The following ZC3H12B variants were observed in gnomAD, a reference collection of about 807,000 sequenced individuals.
The protein encoded by ZC3H12B is probable ribonuclease ZC3H12B.
A neutral mutation model predicts 43.9 loss-of-function variants in ZC3H12B; 7 were observed. That is an observed-to-expected ratio of 0.16 (90% CI 0.09 to 0.30). The LOEUF (loss-of-function observed/expected upper bound fraction) is 0.30, where lower values mean the gene tolerates loss of function less well. Ranked by LOEUF, ZC3H12B falls within the 10% of genes least tolerant of loss-of-function variation. The pLI is 1.00. For missense variants in ZC3H12B, 475 were observed against 670.2 expected, an observed-to-expected ratio of 0.71 and a Z score of 3.22; for synonymous variants, 222 against 241.7, an observed-to-expected ratio of 0.92 and a Z score of 0.76.
the ZC3H12B span, among the ~76,000 whole-genome samples, chrX:65,045,384 G>A: frequency 8.9e-6 from 1 of 112,120 alleles, no homozygotes; most frequent in African/African-American, 3.2e-5. Flanking sequence ...AAACGTTTAT[G>A]TAATATTCTT....
chrX:65,367,803 T>C (rs955962183), intron 1 of ZC3H12B, among the ~76,000 whole-genome samples: 1 of 111,494 alleles, frequency 9.0e-6, no homozygotes, highest in African/African-American at 3.3e-5. Context: ...TTTTTTGATA[T>C]CTAAATTACA....
At chrX:65,438,653 C>T (rs1196004122) in intron 3 of ZC3H12B, among the ~76,000 whole-genome samples, 1 of 113,089 alleles carries the variant, frequency 8.8e-6, no homozygotes, top group Non-Finnish European at 1.9e-5. Context: ...ATTAAATTAA[C>T]TAAAAGTATC....
the ZC3H12B span, among the ~76,000 whole-genome samples, chrX:65,037,002 TA>T: frequency 9.1e-6 from 1 of 109,874 alleles, no homozygotes; most frequent in Non-Finnish European, 1.9e-5. Flanking sequence ...TTTTTTTTTT[TA>T]AAGTGACTTT....
At chrX:65,117,087 G>A in the ZC3H12B span, among the ~76,000 whole-genome samples, 1 of 111,930 alleles carries the variant, frequency 8.9e-6, no homozygotes, top group East Asian at 2.8e-4. Flanking sequence ...GAATGGGATG[G>A]CTGGGTCAAA....
intron 3 of ZC3H12B, among the ~76,000 whole-genome samples, chrX:65,443,487 C>T (rs2067332722): frequency 8.9e-6 from 1 of 111,990 alleles, no homozygotes; most frequent in Non-Finnish European, 1.9e-5. Context: ...CTGAGAGCCC[C>T]AAACAGAGAT....
At chrX:65,328,423 G>T in the ZC3H12B span, 1 of 254,308 alleles carries the variant, frequency 3.9e-6, no homozygotes. Context: ...AGCTGTTTTT[G>T]CTGGTAATTA....
intron 3 of ZC3H12B, among the ~76,000 whole-genome samples, chrX:65,398,958 A>G (rs1244093707): frequency 8.9e-6 from 1 of 111,908 alleles, no homozygotes; most frequent in Admixed American, 9.5e-5. Flanking sequence ...GGTGTTAAGA[A>G]AACCAGATAT....
At chrX:65,194,049 T>C in the ZC3H12B span, among the ~76,000 whole-genome samples, 4 of 108,744 alleles carry the variant, frequency 3.7e-5, no homozygotes, top group African/African-American at 1.0e-4. Context: ...CAACCAGATA[T>C]CACGAGAGCA....
the ZC3H12B span, among the ~76,000 whole-genome samples, chrX:65,222,168 C>T: frequency 9.0e-6 from 1 of 111,485 alleles, no homozygotes; most frequent in African/African-American, 3.3e-5. Flanking sequence ...GATTAAAACC[C>T]TCAGCAGCAG....
At chrX:65,254,613 G>C in the ZC3H12B span, among the ~76,000 whole-genome samples, 1 of 112,463 alleles carries the variant, frequency 8.9e-6, no homozygotes, top group African/African-American at 3.2e-5. Flanking sequence ...TACAGAGAAA[G>C]AAGCAGCACA....
chrX:65,117,858 G>T, the ZC3H12B span, among the ~76,000 whole-genome samples: 3 of 111,718 alleles, frequency 2.7e-5, no homozygotes, highest in African/African-American at 6.5e-5. Flanking sequence ...GTTTGTCAAA[G>T]ATCAGATGGT....
chrX:65,322,253 A>G, the ZC3H12B span, among the ~76,000 whole-genome samples: 1 of 111,560 alleles, frequency 9.0e-6, no homozygotes, highest in Non-Finnish European at 1.9e-5. Context: ...GAACTCACCC[A>G]CCATCCCCCA....
chrX:65,374,876 C>G (rs1264978069), intron 2 of ZC3H12B, among the ~76,000 whole-genome samples: 3 of 110,932 alleles, frequency 2.7e-5, no homozygotes, highest in African/African-American at 9.9e-5. Flanking sequence ...AGAACTCACT[C>G]ACTATCATGA....
the ZC3H12B span, among the ~76,000 whole-genome samples, chrX:65,212,153 AT>A: frequency 5.8e-5 from 3 of 51,916 alleles, no homozygotes; most frequent in African/African-American, 2.4e-4. Flanking sequence ...TTAACATTAT[AT>A]TAGTATATAA....
the ZC3H12B span, among the ~76,000 whole-genome samples, chrX:65,325,338 A>T: frequency 9.0e-6 from 1 of 111,646 alleles, no homozygotes; most frequent in East Asian, 2.8e-4. Context: ...TCATGATCTT[A>T]TGTGGAAAAA....
At chrX:65,193,992 TGGC>T in the ZC3H12B span, among the ~76,000 whole-genome samples, 7 of 110,609 alleles carry the variant, frequency 6.3e-5, no homozygotes, top group Non-Finnish European at 1.1e-4. Context: ...ACACTTCATG[TGGC>T]TGGAGCAAGA....
At chrX:65,046,247 G>A in the ZC3H12B span, among the ~76,000 whole-genome samples, 1 of 111,948 alleles carries the variant, frequency 8.9e-6, no homozygotes, top group Non-Finnish European at 1.9e-5. Context: ...AACTGTGAAA[G>A]TCCTAGATGG....
intron 3 of ZC3H12B, among the ~76,000 whole-genome samples, chrX:65,456,501 C>T (rs1247891099): frequency 6.9e-5 from 7 of 100,819 alleles, no homozygotes; most frequent in Admixed American, 1.1e-4. Context: ...CAAAGCTGGA[C>T]GGTACTGCTG....
chrX:65,107,960 CTATAG>C, the ZC3H12B span, among the ~76,000 whole-genome samples: 1 of 111,838 alleles, frequency 8.9e-6, no homozygotes, highest in African/African-American at 3.2e-5. Flanking sequence ...CCAGCTGTTA[CTATAG>C]TAAATACTGC....
Sources: gnomAD v4.1 joint callset for allele counts (sites outside exome capture counted in the v4.1 genomes callset) on GRCh38, gnomAD v4.1.1 for gene constraint, MANE v1.5 for transcripts, NCBI Gene and HGNC (gene_info 2026-07-23, HGNC 2026-07-21) for gene names.